Variants in KRT77 observed in about 807,000 individuals in gnomAD.
The protein encoded by KRT77 is keratin, type II cytoskeletal 1b.
KRT77 carries 44 observed loss-of-function variants against 51.5 expected under a neutral mutation model. That is an observed-to-expected ratio of 0.85 (90% CI 0.67 to 1.10). KRT77 has a LOEUF of 1.10. KRT77 is among the 50% of genes least tolerant of loss of function. KRT77 has a pLI of 0.00. For synonymous variants in KRT77, 293 were observed against 302.0 expected, an observed-to-expected ratio of 0.97 and a Z score of 0.31; for missense variants, 763 against 743.9, an observed-to-expected ratio of 1.03 and a Z score of -0.30.
At chr12:52,695,307 C>T (rs115477289) in intron 4 of KRT77, 8 of 168,004 alleles carry the variant, frequency 4.8e-5, no homozygotes, top group African/African-American at 9.5e-5. Context: ...GCCCAGAGCA[C>T]GTACCCCCAA....
chr12:52,692,516 C>T lies in KRT77; in HGVS notation c.1332G>A (p.Arg444=), dbSNP rs764826169. 3.1e-6 allele frequency: 5 copies of T among 1,614,102 alleles called. No individual in the cohort carries two copies. In the Admixed American group the frequency reaches 6.7e-5, roughly 22 times the overall value. Residue 444 remains arginine (R), a synonymous_variant, in exon 7 of 9, where the codon CGG becomes CGA. Coordinates refer to ENST00000341809, the MANE Select transcript of KRT77 (RefSeq NM_175078.3). ...GCATGGCCTGGTAGTCACGCAGCAG[C>T]CGGGCCAGCTCCTCCTTGGACTGCT... The part of the protein sequence containing the change: ...ALQQSKEELA[R]LLRDYQAMLG...
rs369566176 is a variant in KRT77 at position 52,702,950 on chromosome 12, G to A, written c.485C>T (p.Thr162Ile). Residue 162 changes from threonine to isoleucine, a missense_variant, in exon 1 of 9, where the codon ACC becomes ATC. Physicochemically the swap from Thr to Ile is moderately conservative, Grantham distance 89 (BLOSUM62 -1). Transcript: ENST00000341809. Reference sequence around the variant, plus strand: ...AACCATAATCTGCTCCCGCTCCTGGGTCTTGATCCTCTGAATTTCAGGGTC... The same window carrying A: ...AACCATAATCTGCTCCCGCTCCTGGATCTTGATCCTCTGAATTTCAGGGTC... ...EVDPEIQRIK[T>I]QEREQIMVLN... 44 of 1,613,966 alleles carry A rather than the reference G, an allele frequency of 2.7e-5. No homozygotes were observed. The highest frequency in any genetic ancestry group is 3.7e-5 in the Non-Finnish European group (44 of 1,180,040).
At chr12:52,700,187 T>C (rs1431466670) in intron 1 of KRT77, among the ~76,000 whole-genome samples, 1 of 152,254 alleles carries the variant, frequency 6.6e-6, no homozygotes, top group Non-Finnish European at 1.5e-5. Flanking sequence ...GGTTTCTATT[T>C]ATTGAGCAAT....
chr12:52,696,565 T>G, intron 2 of KRT77, 135 bp from the exon 3 acceptor site: 1 of 715,868 alleles, frequency 1.4e-6, no homozygotes, highest in Non-Finnish European at 2.4e-6. Flanking sequence ...CTCAAGGTGC[T>G]GGCTGTCCAT....
At position 52,691,256 on chromosome 12, in the gene KRT77, T is replaced by TAG; in HGVS notation, c.1644_1645dup (p.Tyr549SerfsTer74). ...GCGGCCGCTTCTGCCGCTCCCTCCG[T>TAG]AGCTCCCGCCACCGCCGCCGCAGCC... On this transcript the variant is annotated frameshift_variant, in exon 9 of 9. Transcript: ENST00000341809. LOFTEE classifies it low-confidence loss of function (END_TRUNC). 1 of 1,609,710 alleles carries TAG rather than the reference T, an allele frequency of 6.2e-7. No homozygotes were observed. Among genetic ancestry groups the TAG allele is most frequent in the Non-Finnish European group, 8.5e-7 (1 of 1,178,138 alleles).
intron 2 of KRT77, chr12:52,696,647 C>T (rs980260635): frequency 3.9e-6 from 2 of 515,242 alleles, no homozygotes; most frequent in Non-Finnish European, 6.9e-6. Context: ...AGAGGGGACC[C>T]CGGGCCAACA....
At chr12:52,701,913 G>A (rs1208588675) in intron 1 of KRT77, among the ~76,000 whole-genome samples, 1 of 152,160 alleles carries the variant, frequency 6.6e-6, no homozygotes, top group Non-Finnish European at 1.5e-5. Flanking sequence ...CCCTGGCTCT[G>A]TGGCTTCATC....
intron 1 of KRT77, among the ~76,000 whole-genome samples, chr12:52,700,302 A>G (rs571827597): frequency 2.0e-5 from 3 of 152,246 alleles, no homozygotes; most frequent in Admixed American, 6.5e-5. Context: ...AGAGATTACT[A>G]TAAAGAAATA....
At chr12:52,700,934 A>G (rs1212225930) in intron 1 of KRT77, among the ~76,000 whole-genome samples, 2 of 152,212 alleles carry the variant, frequency 1.3e-5, no homozygotes. Context: ...GCAGAGTCAG[A>G]AGTCACCTGT....
In KRT77 at chr12:52,690,446, AT is replaced by A; in HGVS notation, c.*718del. 1 of 154,204 alleles carries A rather than the reference AT, an allele frequency of 6.5e-6. No individual in the cohort carries two copies. The highest frequency in any genetic ancestry group is 1.4e-5 in the Non-Finnish European group (1 of 69,308). 9.6% of individuals were successfully genotyped at this position (154,204 alleles called of 1,614,324 possible). ...CTATACTATCCATCAACATGAGTGT[AT>A]GAGGCTATGGACCAAGAGGCAGGAA... On this transcript the variant is annotated 3_prime_UTR_variant, in exon 9 of 9. Transcript: ENST00000341809.
rs1165235714 is a variant in KRT77, at chr12:52,697,668, G to C, written c.758+14C>G. The C allele has an allele frequency of 2.5e-6, 4 of 1,605,118 alleles. No individual in the cohort carries two copies. Among genetic ancestry groups the C allele is most frequent in the Non-Finnish European group, 3.4e-6 (4 of 1,175,900 alleles). ...CCATGCTTCTCCCCTGTTTTGCCCT[G>C]CCTGGAGTCTCACTTGCTCTTGTAG... On this transcript the variant is annotated intron_variant, in intron 2 of 8. Coordinates refer to ENST00000341809, the MANE Select transcript of KRT77 (RefSeq NM_175078.3).
chr12:52,702,404 CGTGTGTGTGTGTGCATGT>C (rs1227119789), intron 1 of KRT77, among the ~76,000 whole-genome samples: 4 of 150,570 alleles, frequency 2.7e-5, no homozygotes, highest in Admixed American at 6.6e-5. Context: ...CAGATGAACA[CGTGTGTGTGTGTGCATGT>C]GTGTGTGTGT....
intron 4 of KRT77, chr12:52,695,480 C>G: frequency 3.2e-6 from 1 of 313,340 alleles, no homozygotes; most frequent in Admixed American, 4.2e-5. Context: ...TGGTTTTGCC[C>G]CTTATATGTC....
chr12:52,696,686 C>G (rs1381031567), intron 2 of KRT77: 3 of 444,310 alleles, frequency 6.8e-6, no homozygotes, highest in African/African-American at 5.9e-5. Context: ...AGAGAAGGTC[C>G]CTGGAATGTC....
In KRT77 at chr12:52,690,221, C is replaced by A. The variant is rs897703207; in HGVS notation, c.*944G>T. 10 of 152,266 alleles carry A rather than the reference C, an allele frequency of 6.6e-5. No homozygotes were observed. The highest frequency in any genetic ancestry group is 1.3e-4 in the Admixed American group (2 of 15,290). The allele number at this position is 152,266 out of a possible 1,614,324, so 9.4% of individuals were successfully genotyped here. ...ATGGAGCTGTCAGGAGGAAACAGGA[C>A]AGAAGCAGAACTTGCTTGTCTGTTC... is the stretch of plus-strand genomic sequence containing the variant. On this transcript the variant is annotated 3_prime_UTR_variant, in exon 9 of 9. Coordinates refer to ENST00000341809, the MANE Select transcript of KRT77 (RefSeq NM_175078.3).
At chr12:52,693,121 C>G (rs1313962926) in intron 5 of KRT77, among the ~76,000 whole-genome samples, 4 of 150,918 alleles carry the variant, frequency 2.7e-5, no homozygotes, top group Non-Finnish European at 5.9e-5. Flanking sequence ...TGGGCAGACT[C>G]TCATCCCAGC....
At position 52,692,024 on chromosome 12, in the gene KRT77, A is replaced by G. The variant is rs1402478803; in HGVS notation, c.1428-52T>C. 3 of 1,590,316 alleles carry G rather than the reference A, an allele frequency of 1.9e-6. No homozygotes were observed. The African/African-American group carries it at 4.0e-5, about 21-fold the overall frequency. ...CAGACCCACAGGGCCTGAGGAGAGA[A>G]GGCTGTGGCCCACAGACATCTGGAT... is the stretch of plus-strand genomic sequence containing the variant. On this transcript the variant is annotated intron_variant, in intron 7 of 8. Transcript: ENST00000341809.
chr12:52,702,762 A>AT (rs1941903402), intron 1 of KRT77, 130 bp downstream of exon 1: 2 of 912,594 alleles, frequency 2.2e-6, no homozygotes, highest in African/African-American at 3.3e-5. Context: ...TGAAGCCCAA[A>AT]TGGGTAAATG....
At chr12:52,696,984 C>T (rs543804267) in intron 2 of KRT77, among the ~76,000 whole-genome samples, 7 of 152,320 alleles carry the variant, frequency 4.6e-5, no homozygotes, top group Admixed American at 3.3e-4. Context: ...GGGAGAGGCT[C>T]TGCTGCCTGC....
Sources: allele counts gnomAD v4.1 joint callset (sites outside exome capture counted in the v4.1 genomes callset), GRCh38; gene constraint gnomAD v4.1.1; transcripts MANE v1.5; gene names NCBI Gene and HGNC (gene_info 2026-07-23, HGNC 2026-07-21).